GPC6: variants seen among roughly 807,000 people sequenced by gnomAD.
The protein encoded by GPC6 is glypican-6.
Under a neutral mutation model 55.2 loss-of-function variants are expected in GPC6, and 14 were observed. The observed-to-expected ratio is 0.25, with a 90% CI of 0.17 to 0.40. GPC6 has a LOEUF of 0.40. Among genes scored for constraint, GPC6 ranks in the 10% least tolerant of loss-of-function variants. GPC6 has a pLI of 1.00. For missense variants in GPC6, 641 were observed against 708.5 expected, an observed-to-expected ratio of 0.90 and a Z score of 1.08; for synonymous variants, 278 against 259.6, an observed-to-expected ratio of 1.07 and a Z score of -0.68.
intron 2 of GPC6, among the ~76,000 whole-genome samples, chr13:93,694,367 T>C (rs1010061159): frequency 5.9e-5 from 9 of 152,212 alleles, no homozygotes; most frequent in African/African-American, 1.9e-4. Flanking sequence ...GATTTCCTTA[T>C]AGTTCATTGC....
chr13:93,537,737 G>C (rs1882116687), intron 1 of GPC6, among the ~76,000 whole-genome samples: 1 of 151,862 alleles, frequency 6.6e-6, no homozygotes, highest in Non-Finnish European at 1.5e-5. Flanking sequence ...CTATCTCCTA[G>C]CCTGTTACCA....
chr13:94,163,043 T>C (rs747916928), intron 4 of GPC6, among the ~76,000 whole-genome samples: 1 of 152,186 alleles, frequency 6.6e-6, no homozygotes, highest in Non-Finnish European at 1.5e-5. Context: ...AAACCTTTTA[T>C]TTTCTTCCAA....
intron 2 of GPC6, among the ~76,000 whole-genome samples, chr13:93,658,370 T>C (rs892550150): frequency 2.6e-5 from 4 of 151,956 alleles, no homozygotes; most frequent in Non-Finnish European, 5.9e-5. Flanking sequence ...TTTTAGGAAA[T>C]TATTCTATTG....
chr13:93,419,654 C>T (rs1304362452), intron 1 of GPC6, among the ~76,000 whole-genome samples: 1 of 152,108 alleles, frequency 6.6e-6, no homozygotes, highest in Non-Finnish European at 1.5e-5. Context: ...GCCTGTAACA[C>T]AGTGAAGCCT....
chr13:93,330,011 A>G (rs1262581841), intron 1 of GPC6, among the ~76,000 whole-genome samples: 2 of 152,242 alleles, frequency 1.3e-5, no homozygotes, highest in Non-Finnish European at 2.9e-5. Context: ...TAGAAGTTGT[A>G]CTTTACTTAT....
At chr13:93,624,836 A>AC (rs1274582734) in intron 2 of GPC6, among the ~76,000 whole-genome samples, 1 of 152,224 alleles carries the variant, frequency 6.6e-6, no homozygotes, top group Non-Finnish European at 1.5e-5. Flanking sequence ...GAGAAGATAA[A>AC]CCTATTCATA....
chr13:93,812,387 G>GAAA, intron 2 of GPC6, among the ~76,000 whole-genome samples: 1 of 142,090 alleles, frequency 7.0e-6, no homozygotes. Flanking sequence ...CTCTGTCTCG[G>GAAA]AAAAAAAAAA....
chr13:93,388,423 GC>G (rs1355843588), intron 1 of GPC6, among the ~76,000 whole-genome samples: 1 of 152,188 alleles, frequency 6.6e-6, no homozygotes, highest in Non-Finnish European at 1.5e-5. Flanking sequence ...CAGACTCCTG[GC>G]AACTTGGAGC....
chr13:93,350,731 T>A (rs1257660669), intron 1 of GPC6, among the ~76,000 whole-genome samples: 1 of 152,154 alleles, frequency 6.6e-6, no homozygotes, highest in East Asian at 1.9e-4. Context: ...TAGATCAAAA[T>A]ATATCTGGAC....
intron 2 of GPC6, among the ~76,000 whole-genome samples, chr13:93,685,977 A>G (rs1882033704): frequency 6.6e-6 from 1 of 152,146 alleles, no homozygotes; most frequent in Non-Finnish European, 1.5e-5. Flanking sequence ...CTCTGACTTT[A>G]AATCTCTTCT....
At chr13:93,234,575 A>T (rs548108638) in intron 1 of GPC6, among the ~76,000 whole-genome samples, 1 of 152,308 alleles carries the variant, frequency 6.6e-6, no homozygotes, top group African/African-American at 2.4e-5. Flanking sequence ...GGAAATAGGA[A>T]GGATTCAAGA....
chr13:93,378,191 G>A (rs903786787), intron 1 of GPC6, among the ~76,000 whole-genome samples: 5 of 152,156 alleles, frequency 3.3e-5, no homozygotes, highest in African/African-American at 1.2e-4. Flanking sequence ...ATATAGTTTT[G>A]AAATCAGAAA....
At position 93,785,949 on chromosome 13, in the gene GPC6, C is replaced by T. The variant is rs9589830; in HGVS notation, c.320-44205C>T. Among the ~76,000 whole-genome samples, 852 of 152,070 alleles carry T rather than the reference C, an allele frequency of 5.6e-3. 13 individuals carry two copies. Among genetic ancestry groups the T allele is most frequent in the African/African-American group, 0.02 (819 of 41,476 alleles). ...TGCACTCCAGGGTGGGCAACAGGCC[C>T]TGTCTCAAAAAAGAAAGAGAAGGGA... On this transcript the variant is annotated intron_variant, in intron 2 of 8. Coordinates refer to ENST00000377047, the MANE Select transcript of GPC6 (RefSeq NM_005708.5).
rs1181261525 is a variant in GPC6 at position 94,085,300 on chromosome 13, T to C, written c.877+57406T>C. Among the ~76,000 whole-genome samples, 3 of 116,606 alleles carry C rather than the reference T, an allele frequency of 2.6e-5. No homozygotes were observed. In the East Asian group the frequency reaches 7.7e-4, roughly 30 times the overall value. The allele number at this position is 116,606 out of a possible 152,430, so 76.5% of individuals were successfully genotyped here. ...TCACGCCACTGCACTCCAGCCTGGG[T>C]GACAGAGCGAGATTCTGTCTCAAAA... On this transcript the variant is annotated intron_variant, in intron 4 of 8. Coordinates refer to ENST00000377047, the MANE Select transcript of GPC6 (RefSeq NM_005708.5).
chr13:93,803,170 G>C (rs1655784308), intron 2 of GPC6, among the ~76,000 whole-genome samples: 1 of 152,076 alleles, frequency 6.6e-6, no homozygotes, highest in Admixed American at 6.6e-5. Flanking sequence ...GGGGGAAATG[G>C]AATGGAAGAA....
At position 93,548,991 on chromosome 13, in the gene GPC6, A is replaced by G. The variant is rs1008078788; in HGVS notation, c.319+3570A>G. Among the ~76,000 whole-genome samples the G allele has an allele frequency of 1.1e-4, 17 of 152,090 alleles. 1 individual carries two copies. Among genetic ancestry groups the G allele is most frequent in the African/African-American group, 4.1e-4 (17 of 41,392 alleles). On this transcript the variant is annotated intron_variant, in intron 2 of 8. Coordinates refer to ENST00000377047, the MANE Select transcript of GPC6 (RefSeq NM_005708.5). ...TTTCTTATTTCTCCAGCCAAATCTCAATTTCTGGCTCTCATTACACATCCC... is the reference window on the plus strand; with the variant it reads ...TTTCTTATTTCTCCAGCCAAATCTCGATTTCTGGCTCTCATTACACATCCC...
At chr13:93,778,423 C>G (rs2138903156) in intron 2 of GPC6, among the ~76,000 whole-genome samples, 1 of 152,238 alleles carries the variant, frequency 6.6e-6, no homozygotes, top group Non-Finnish European at 1.5e-5. Context: ...AATACACTCA[C>G]TAACTTGTTC....
chr13:93,673,011 AAAGAC>A (rs1298775550), intron 2 of GPC6, among the ~76,000 whole-genome samples: 2 of 152,192 alleles, frequency 1.3e-5, no homozygotes, highest in East Asian at 3.8e-4. Flanking sequence ...CATTCCTAGA[AAAGAC>A]AAAAGTATTT....
At chr13:93,779,577 G>A (rs536583924) in intron 2 of GPC6, among the ~76,000 whole-genome samples, 1 of 152,258 alleles carries the variant, frequency 6.6e-6, no homozygotes, top group South Asian at 2.1e-4. Context: ...ACAAAATCAT[G>A]TGATCCGGGT....
Sources: gnomAD v4.1 joint callset for allele counts (sites outside exome capture counted in the v4.1 genomes callset) on GRCh38, gnomAD v4.1.1 for gene constraint, MANE v1.5 for transcripts, NCBI Gene and HGNC (gene_info 2026-07-23, HGNC 2026-07-21) for gene names.